Variants in SYNE1 observed in about 807,000 individuals in gnomAD.
SYNE1 encodes nesprin-1.
SYNE1 carries 616 observed loss-of-function variants against 1,111.0 expected under a neutral mutation model. The observed-to-expected ratio is 0.55, with a 90% CI of 0.52 to 0.59. The LOEUF is 0.59. Ranked by LOEUF, SYNE1 falls within the 20% of genes least tolerant of loss-of-function variation. The pLI, the probability that SYNE1 is intolerant of heterozygous loss-of-function variation, is 0.00. For synonymous variants in SYNE1, 3,855 were observed against 3,825.8 expected (o/e 1.01, Z -0.28); for missense variants, 10,006 against 10,417.0 (o/e 0.96, Z 1.72).
chr6:152,386,448 GAAGAA>G (rs2154125422), intron 54 of SYNE1, among the ~76,000 whole-genome samples: 1 of 152,144 alleles, frequency 6.6e-6, no homozygotes, highest in African/African-American at 2.4e-5. Flanking sequence ...ATAATGTCAA[GAAGAA>G]AAGAGTCAGT....
In SYNE1 at chr6:152,329,979, T is replaced by C; in HGVS notation, c.14706A>G (p.Arg4902=). The C allele has an allele frequency of 6.2e-6, 10 of 1,614,152 alleles. No homozygotes were observed. The highest frequency in any genetic ancestry group is 8.5e-6 in the Non-Finnish European group (10 of 1,180,034). ...EMSRSLDWLR[R]VKAELSGPVY... Reference sequence around the variant, plus strand: ...CCGGCCCACTGAGCTCTGCCTTCACTCTCCTCAGCCAGTCCAGGGAGCGAC... The same window carrying C: ...CCGGCCCACTGAGCTCTGCCTTCACCCTCCTCAGCCAGTCCAGGGAGCGAC... The change falls in exon 78 of 146, where the codon AGA becomes AGG. Residue 4902 remains arginine (R), a synonymous_variant. Transcript: ENST00000367255.
At chr6:152,570,135 A>T (rs1442756498) in intron 3 of SYNE1, among the ~76,000 whole-genome samples, 1 of 152,262 alleles carries the variant, frequency 6.6e-6, no homozygotes. Context: ...GTTAATAATA[A>T]CTAAATAGAT....
At position 152,316,975 on chromosome 6, in the gene SYNE1, A is replaced by G. The variant is rs774912972; in HGVS notation, c.16584T>C (p.His5528=). ...CAAGCATTTCATTGTATTCTTCTAA[A>G]TGTGATGCTGCCTGAAAAACCAGTA... is the stretch of plus-strand genomic sequence containing the variant. ...RLSKLNQAAS[H]LEEYNEMLEL... is the part of the protein sequence containing the mutation. The change falls in exon 87 of 146, where the codon CAT becomes CAC. Residue 5528 remains histidine, a synonymous_variant. Transcript: ENST00000367255. The G allele has an allele frequency of 1.4e-5, 23 of 1,613,986 alleles. No individual in the cohort carries two copies. The East Asian group carries it at 4.9e-4, about 34-fold the overall frequency.
intron 128 of SYNE1, among the ~76,000 whole-genome samples, chr6:152,186,979 G>A (rs569757297): frequency 3.9e-5 from 6 of 152,118 alleles, no homozygotes; most frequent in Non-Finnish European, 8.8e-5. Context: ...ATGATTTACT[G>A]TATAATAAGG....
Position 152,373,189 on chromosome 6 carries a change from G to A in SYNE1, c.9355C>T (p.His3119Tyr), listed in dbSNP as rs373615823. The change falls in exon 59 of 146, where the codon CAC (histidine) becomes TAC (tyrosine). Residue 3119 changes from histidine to tyrosine, a missense_variant. His to Tyr is a moderately conservative substitution (Grantham distance 83). This residue lies in a region of SYNE1 where 4,955 missense variants were observed against 5,017.2 expected (regional missense o/e 0.99). Transcript: ENST00000367255. ...TTAGACAGCATCATGTTTAGCTTGT[G>A]CTGTCCATTTTCACTTTCTGACAAA... is the stretch of plus-strand genomic sequence containing the variant. Reference protein sequence around the residue: ...EFLSESENGQHKLNMMLSKGE... With the variant: ...EFLSESENGQYKLNMMLSKGE... The A allele has an allele frequency of 1.9e-6, 3 of 1,613,068 alleles. No homozygotes were observed. The African/African-American group carries it at 4.0e-5, about 22-fold the overall frequency.
intron 104 of SYNE1, among the ~76,000 whole-genome samples, chr6:152,251,715 C>T (rs1242587386): frequency 6.6e-6 from 1 of 151,872 alleles, no homozygotes. Context: ...GCCGAGATCC[C>T]GCCACTGCAC....
intron 78 of SYNE1, among the ~76,000 whole-genome samples, chr6:152,329,099 A>G (rs1001243912): frequency 5.3e-5 from 8 of 152,260 alleles, no homozygotes; most frequent in African/African-American, 1.7e-4. Flanking sequence ...ATGTACTAAT[A>G]TATAATATTA....
intron 135 of SYNE1, 135 bp from the exon 136 acceptor site, chr6:152,149,803 A>T: frequency 1.3e-6 from 1 of 763,886 alleles, no homozygotes; most frequent in South Asian, 1.6e-5. Flanking sequence ...TACAATCACA[A>T]GACAAGAGTC....
chr6:152,340,235 T>C (rs1196498047), intron 74 of SYNE1, among the ~76,000 whole-genome samples: 1 of 151,994 alleles, frequency 6.6e-6, no homozygotes, highest in Admixed American at 6.6e-5. Context: ...ATGTGGTGGG[T>C]AGAGAGACAG....
chr6:152,464,413 T>C (rs2098752666), intron 18 of SYNE1, among the ~76,000 whole-genome samples: 1 of 152,214 alleles, frequency 6.6e-6, no homozygotes, highest in South Asian at 2.1e-4. Flanking sequence ...TGACATCCAC[T>C]AGGGCACTGC....
At chr6:152,155,363 T>C (rs142499157) in intron 132 of SYNE1, 3 of 364,448 alleles carry the variant, frequency 8.2e-6, no homozygotes, top group Admixed American at 8.2e-5. Flanking sequence ...AGGTTTACAG[T>C]GTGCACTCAG....
intron 112 of SYNE1, 81 bp downstream of exon 112, chr6:152,233,700 T>C: frequency 6.5e-7 from 1 of 1,542,456 alleles, no homozygotes; most frequent in East Asian, 2.3e-5. Flanking sequence ...TATAAATTTG[T>C]GAGCAAAAGC....
chr6:152,191,838 T>G (rs185355400), intron 127 of SYNE1, among the ~76,000 whole-genome samples: 56 of 151,804 alleles, frequency 3.7e-4, no homozygotes, highest in African/African-American at 1.3e-3. Context: ...CATTGTTAGG[T>G]TATTTATTTG....
At chr6:152,353,103 C>T (rs909718551) in intron 69 of SYNE1, among the ~76,000 whole-genome samples, 160 bp downstream of exon 69, 11 of 152,116 alleles carry the variant, frequency 7.2e-5, no homozygotes, top group Non-Finnish European at 1.5e-4. Context: ...TAGCTTTTGG[C>T]CTTAAGGAGC....
chr6:152,195,195 A>G (rs559739239), intron 127 of SYNE1, among the ~76,000 whole-genome samples: 2 of 152,288 alleles, frequency 1.3e-5, no homozygotes, highest in East Asian at 3.9e-4. Context: ...TTCTGGGATT[A>G]CAGGTGTGAG....
chr6:152,511,804 G>C (rs2099086483), intron 6 of SYNE1, among the ~76,000 whole-genome samples: 1 of 152,106 alleles, frequency 6.6e-6, no homozygotes. Flanking sequence ...GACATATAAA[G>C]CATTAAGGAG....
rs1015081679 is a variant in SYNE1, at chr6:152,153,499, A to G, written c.24130-1358T>C. ...AAATCAATCATTATAGAAGCTAACT[A>G]TAAGGCTAACTTTTGCTTTAAAATC... On this transcript the variant is annotated intron_variant, in intron 133 of 145. Coordinates refer to ENST00000367255, the MANE Select transcript of SYNE1 (RefSeq NM_182961.4). Among the ~76,000 whole-genome samples the G allele has an allele frequency of 3.3e-5, 5 of 152,390 alleles. No homozygotes were observed. In the East Asian group the frequency reaches 5.8e-4, roughly 18 times the overall value.
Position 152,176,296 on chromosome 6 carries a change from G to A in SYNE1, c.23627+98C>T, listed in dbSNP as rs550180247. 5 of 1,527,092 alleles carry A rather than the reference G, an allele frequency of 3.3e-6. No homozygotes were observed. In the South Asian group the frequency reaches 3.4e-5, roughly 10 times the overall value. 94.6% of individuals were successfully genotyped at this position (1,527,092 alleles called of 1,614,324 possible). A position where few individuals can be genotyped will look rare whatever the true frequency, so the allele number is the denominator to read the frequency against. ...AAAATGGTGAGATAACCCAGGAAGA[G>A]AGACTGATTTATTGGATTATCTTTG... On this transcript the variant is annotated intron_variant, in intron 130 of 145. Coordinates refer to ENST00000367255, the MANE Select transcript of SYNE1 (RefSeq NM_182961.4).
intron 10 of SYNE1, 122 bp downstream of exon 10, chr6:152,502,511 T>A (rs1448816582): frequency 1.3e-6 from 1 of 783,230 alleles, no homozygotes; most frequent in African/African-American, 1.7e-5. Flanking sequence ...GATAGCTTTT[T>A]AAAATCAGTT....
Sources: allele counts gnomAD v4.1 joint callset (sites outside exome capture counted in the v4.1 genomes callset), GRCh38; gene constraint gnomAD v4.1.1; regional missense constraint gnomAD v4.1.1; transcripts MANE v1.5; gene names NCBI Gene and HGNC (gene_info 2026-07-23, HGNC 2026-07-21).